Variants in PRICKLE2 observed in about 807,000 individuals in gnomAD.
PRICKLE2 encodes the protein prickle planar cell polarity protein 2.
PRICKLE2 carries 21 observed loss-of-function variants against 81.4 expected under a neutral mutation model. The observed-to-expected ratio is 0.26, with a 90% CI of 0.18 to 0.37. The LOEUF is 0.37. Ranked by LOEUF, PRICKLE2 falls within the 10% of genes least tolerant of loss-of-function variation. PRICKLE2 has a pLI of 1.00. For synonymous variants in PRICKLE2, 456 were observed against 421.5 expected (o/e 1.08, Z -1.00); for missense variants, 940 against 1,109.0 (o/e 0.85, Z 2.16).
intron 2 of PRICKLE2, among the ~76,000 whole-genome samples, chr3:64,243,374 C>T (rs1400058310): frequency 6.6e-6 from 1 of 152,232 alleles, no homozygotes; most frequent in Non-Finnish European, 1.5e-5. Context: ...ACCCTTTCCC[C>T]AGTCGTGAAA....
At chr3:64,103,167 G>A (rs1238724244) in intron 7 of PRICKLE2, 1 of 152,124 alleles carries the variant, frequency 6.6e-6, no homozygotes, top group Admixed American at 6.5e-5. Flanking sequence ...TAATTCTGAA[G>A]GAAATTTGGA....
intron 2 of PRICKLE2, among the ~76,000 whole-genome samples, chr3:64,252,094 A>G (rs2079454696): frequency 1.3e-5 from 2 of 152,192 alleles, no homozygotes; most frequent in Non-Finnish European, 2.9e-5. Context: ...ATTTCAATCA[A>G]CCCAACATGG....
chr3:64,257,944 C>T (rs2079553539), intron 2 of PRICKLE2, among the ~76,000 whole-genome samples: 1 of 152,130 alleles, frequency 6.6e-6, no homozygotes, highest in Non-Finnish European at 1.5e-5. Context: ...CTAGCTCTTC[C>T]CTTCCACTGT....
In PRICKLE2 at chr3:64,147,739, T is replaced by G. The variant is rs1195540347; in HGVS notation, c.788-37A>C. 2 of 1,611,770 alleles carry G rather than the reference T, an allele frequency of 1.2e-6. No individual in the cohort carries two copies. The highest frequency in any genetic ancestry group is 1.7e-6 in the Non-Finnish European group (2 of 1,178,914). The stretch of plus-strand genomic sequence containing the variant: ...AGAGACATTGGAGAGGCTGATGAGC[T>G]GCTCAGAGCTCTGCACTGGGACGTG... On this transcript the variant is annotated intron_variant, in intron 6 of 7. Transcript: ENST00000638394. This position sits in a 1 kb window ranked among gnomAD's most constrained non-coding sequence, Gnocchi z 5.0.
intron 7 of PRICKLE2, among the ~76,000 whole-genome samples, chr3:64,118,818 T>C (rs1096168): frequency 0.52 from 79,668 of 151,972 alleles, 21,282 homozygotes; most frequent in South Asian, 0.62. Flanking sequence ...GACAGTGTGG[T>C]AATTCCTCAG....
At chr3:64,232,353 C>T (rs1418596453) in intron 2 of PRICKLE2, among the ~76,000 whole-genome samples, 1 of 152,182 alleles carries the variant, frequency 6.6e-6, no homozygotes, top group Admixed American at 6.5e-5. Context: ...AAAAGCTTGA[C>T]AATGCTTCTT....
chr3:64,151,009 A>G (rs760769576), intron 6 of PRICKLE2, among the ~76,000 whole-genome samples: 40 of 152,098 alleles, frequency 2.6e-4, no homozygotes, highest in South Asian at 1.7e-3. Context: ...TACTTCTTGG[A>G]GGGTGTGTGT....
intron 7 of PRICKLE2, among the ~76,000 whole-genome samples, chr3:64,136,304 A>C (rs917537557): frequency 6.6e-6 from 1 of 151,766 alleles, no homozygotes; most frequent in African/African-American, 2.4e-5. Flanking sequence ...TAAGACGAAG[A>C]GTCTGGGTTT....
At chr3:64,146,416 T>C (rs1033090594) in intron 7 of PRICKLE2, 1 of 228,448 alleles carries the variant, frequency 4.4e-6, no homozygotes, top group African/African-American at 2.3e-5. Flanking sequence ...AGCAGCCTAT[T>C]AGAAGAGGGC....
intron 2 of PRICKLE2, among the ~76,000 whole-genome samples, chr3:64,252,185 G>T (rs2079456684): frequency 1.3e-5 from 2 of 152,168 alleles, no homozygotes; most frequent in South Asian, 4.1e-4. Context: ...TAAATGAAGT[G>T]CTTCAAACAG....
intron 2 of PRICKLE2, among the ~76,000 whole-genome samples, chr3:64,172,190 AC>A (rs2077944083): frequency 6.6e-6 from 1 of 152,264 alleles, no homozygotes; most frequent in African/African-American, 2.4e-5. Context: ...AAATGGAAGA[AC>A]TTGGGGTTTG....
At chr3:64,114,627 T>C (rs2076905309) in intron 7 of PRICKLE2, among the ~76,000 whole-genome samples, 1 of 151,590 alleles carries the variant, frequency 6.6e-6, no homozygotes, top group Non-Finnish European at 1.5e-5. Context: ...ATCTCAGAGC[T>C]TGAAGACTGG....
intron 2 of PRICKLE2, among the ~76,000 whole-genome samples, chr3:64,251,915 C>T (rs1216013051): frequency 2.0e-5 from 3 of 152,178 alleles, no homozygotes. Context: ...GCTTTGGGGA[C>T]ACATCAGTGC....
chr3:64,187,284 T>G (rs112938406), intron 2 of PRICKLE2, among the ~76,000 whole-genome samples: 65 of 152,374 alleles, frequency 4.3e-4, no homozygotes, highest in African/African-American at 1.5e-3. Context: ...CATTGCCATC[T>G]GATGACATCA....
At chr3:64,204,424 G>C (rs978840555) in intron 1 of PRICKLE2, among the ~76,000 whole-genome samples, 1 of 152,120 alleles carries the variant, frequency 6.6e-6, no homozygotes, top group African/African-American at 2.4e-5. Flanking sequence ...TTAAGCAACT[G>C]AACTATTCAG....
intron 7 of PRICKLE2, among the ~76,000 whole-genome samples, chr3:64,121,311 C>A (rs879680066): frequency 6.6e-6 from 1 of 152,174 alleles, no homozygotes; most frequent in Non-Finnish European, 1.5e-5. Flanking sequence ...CAAAAACAGG[C>A]TTCAGTGCAG....
intron 2 of PRICKLE2, chr3:64,198,563 A>G (rs1004278018): frequency 1.6e-6 from 1 of 620,948 alleles, no homozygotes; most frequent in Non-Finnish European, 2.9e-6. Context: ...GTAACAGTTA[A>G]TAATGACAAT....
chr3:64,114,227 C>T (rs914629197), intron 7 of PRICKLE2, among the ~76,000 whole-genome samples: 34 of 151,610 alleles, frequency 2.2e-4, no homozygotes, highest in African/African-American at 8.2e-4. Flanking sequence ...CAAAGGTCAG[C>T]AACCTCAAAG....
rs2076606740 is a variant in PRICKLE2, at chr3:64,098,840, C to T, written c.*211G>A. On this transcript the variant is annotated 3_prime_UTR_variant, in exon 8 of 8. Transcript: ENST00000638394. ...GGCCTCGATAGAGTCTACTGTGTTTCCAAAGTGAAATGTGCAAATAATATT... is the reference window on the plus strand; with the variant it reads ...GGCCTCGATAGAGTCTACTGTGTTTTCAAAGTGAAATGTGCAAATAATATT... 2.9e-5 allele frequency: 18 copies of T among 611,494 alleles called. No homozygotes were observed. In the South Asian group the frequency reaches 3.2e-4, roughly 11 times the overall value. 37.9% of individuals were successfully genotyped at this position (611,494 alleles called of 1,614,324 possible).
Sources: allele counts gnomAD v4.1 joint callset (sites outside exome capture counted in the v4.1 genomes callset), GRCh38; gene constraint gnomAD v4.1.1; non-coding constraint Gnocchi (gnomAD v3.1); transcripts MANE v1.5; gene names NCBI Gene and HGNC (gene_info 2026-07-23, HGNC 2026-07-21).